FMN2: variants seen among roughly 807,000 people sequenced by gnomAD.
FMN2 encodes the protein formin-2.
A neutral mutation model predicts 142.3 loss-of-function variants in FMN2; 51 were observed. The ratio of observed to expected loss-of-function variants is 0.36; its 90% CI spans 0.29 to 0.45. The LOEUF (loss-of-function observed/expected upper bound fraction) is 0.45. FMN2 is among the 20% of genes least tolerant of loss of function. The pLI is 1.00. For missense variants in FMN2, 1,936 were observed against 2,122.8 expected, an observed-to-expected ratio of 0.91 and a Z score of 1.73; for synonymous variants, 882 against 869.8, an observed-to-expected ratio of 1.01 and a Z score of -0.25.
intron 15 of FMN2, among the ~76,000 whole-genome samples, chr1:240,399,133 G>GA (rs1673887271): frequency 3.9e-5 from 6 of 152,098 alleles, no homozygotes; most frequent in Admixed American, 3.9e-4. Context: ...TTATCTGTGA[G>GA]AAAAAGAAAA....
intron 4 of FMN2, among the ~76,000 whole-genome samples, chr1:240,202,355 T>C (rs1349993560): frequency 2.0e-5 from 3 of 152,146 alleles, no homozygotes; most frequent in East Asian, 1.9e-4. Context: ...CAGTCACTAG[T>C]ATTATGACCT....
intron 15 of FMN2, among the ~76,000 whole-genome samples, chr1:240,414,657 C>G (rs1357055012): frequency 6.6e-6 from 1 of 151,976 alleles, no homozygotes; most frequent in Non-Finnish European, 1.5e-5. Context: ...TGTTAAAATA[C>G]TTTGTAAACT....
intron 15 of FMN2, among the ~76,000 whole-genome samples, chr1:240,416,150 C>G (rs1233013662): frequency 6.6e-6 from 1 of 152,172 alleles, no homozygotes; most frequent in Non-Finnish European, 1.5e-5. Flanking sequence ...CTTCTCTCTC[C>G]TGATTTCAAC....
At chr1:240,242,073 C>T (rs1667929200) in intron 6 of FMN2, among the ~76,000 whole-genome samples, 1 of 152,018 alleles carries the variant, frequency 6.6e-6, no homozygotes, top group Non-Finnish European at 1.5e-5. Context: ...TCTCGATCTC[C>T]TGACCTCGTG....
At chr1:240,178,302 G>C (rs1158168863) in intron 3 of FMN2, among the ~76,000 whole-genome samples, 2 of 152,078 alleles carry the variant, frequency 1.3e-5, no homozygotes, top group Non-Finnish European at 2.9e-5. Context: ...ATTTGGAGGA[G>C]TTCAGCAGGA....
intron 2 of FMN2, among the ~76,000 whole-genome samples, chr1:240,135,839 A>G (rs1239048560): frequency 2.0e-5 from 3 of 151,674 alleles, no homozygotes; most frequent in African/African-American, 4.8e-5. Flanking sequence ...GCCACCATGC[A>G]CAGCTAATTT....
At chr1:240,363,577 G>A (rs112718160) in intron 14 of FMN2, among the ~76,000 whole-genome samples, 21 of 152,236 alleles carry the variant, frequency 1.4e-4, no homozygotes, top group East Asian at 3.9e-4. Flanking sequence ...TCTCGTGTGC[G>A]TGCGTGTGCA....
intron 15 of FMN2, among the ~76,000 whole-genome samples, chr1:240,398,182 T>G (rs896257480): frequency 6.6e-6 from 1 of 152,062 alleles, no homozygotes; most frequent in Non-Finnish European, 1.5e-5. Context: ...TCTTGTATTT[T>G]TAGTATAGAT....
At chr1:240,304,007 T>C (rs1042965565) in intron 8 of FMN2, among the ~76,000 whole-genome samples, 41 of 152,168 alleles carry the variant, frequency 2.7e-4, no homozygotes, top group African/African-American at 9.9e-4. Flanking sequence ...GTTATTGTAT[T>C]TTTCACCTTC....
At chr1:240,381,326 T>A (rs1466484887) in intron 14 of FMN2, among the ~76,000 whole-genome samples, 1 of 152,188 alleles carries the variant, frequency 6.6e-6, no homozygotes, top group Non-Finnish European at 1.5e-5. Flanking sequence ...ATATTATACA[T>A]CACCATCAAG....
chr1:240,420,386 G>C (rs970304429), intron 15 of FMN2, among the ~76,000 whole-genome samples: 1 of 152,180 alleles, frequency 6.6e-6, no homozygotes, highest in African/African-American at 2.4e-5. Context: ...TATAAGAGAA[G>C]AGCCTCTTCC....
intron 16 of FMN2, among the ~76,000 whole-genome samples, chr1:240,454,126 A>G (rs973309287): frequency 2.0e-5 from 3 of 152,178 alleles, no homozygotes; most frequent in Non-Finnish European, 4.4e-5. Flanking sequence ...TTAATATTTT[A>G]AAATATTCTT....
intron 16 of FMN2, among the ~76,000 whole-genome samples, chr1:240,449,077 C>T (rs1046249366): frequency 3.3e-5 from 5 of 151,048 alleles, no homozygotes; most frequent in Admixed American, 6.6e-5. Context: ...GGGCTGTTGA[C>T]GCTGCAGCAA....
chr1:240,184,392 A>G (rs1665296998), intron 3 of FMN2, among the ~76,000 whole-genome samples: 1 of 151,498 alleles, frequency 6.6e-6, no homozygotes, highest in Non-Finnish European at 1.5e-5. Context: ...GCCCACCACC[A>G]GGCCGGCTCA....
intron 2 of FMN2, among the ~76,000 whole-genome samples, chr1:240,141,629 C>T (rs1023732785): frequency 3.9e-5 from 6 of 152,160 alleles, no homozygotes; most frequent in East Asian, 1.9e-4. Flanking sequence ...CTTGACCTCC[C>T]GAAGTGCTGG....
chr1:240,346,528 TGTA>T (rs2103034887), intron 13 of FMN2, among the ~76,000 whole-genome samples: 1 of 152,280 alleles, frequency 6.6e-6, no homozygotes, highest in South Asian at 2.1e-4. Context: ...AGTTAAAGGT[TGTA>T]GTTACCTCTG....
intron 2 of FMN2, among the ~76,000 whole-genome samples, chr1:240,145,630 C>T (rs1370263379): frequency 2.2e-5 from 3 of 139,236 alleles, no homozygotes; most frequent in African/African-American, 8.1e-5. Flanking sequence ...CAGCTTCAGA[C>T]TGTCGAGTAG....
intron 14 of FMN2, among the ~76,000 whole-genome samples, chr1:240,366,550 T>TA (rs59565791): frequency 1.3e-5 from 2 of 151,292 alleles, no homozygotes; most frequent in South Asian, 2.1e-4. Flanking sequence ...TTTTTTTTTT[T>TA]AAATTTGAGA....
At chr1:240,102,073 G>T (rs1661435646) in intron 1 of FMN2, among the ~76,000 whole-genome samples, 1 of 151,950 alleles carries the variant, frequency 6.6e-6, no homozygotes, top group Non-Finnish European at 1.5e-5. Flanking sequence ...TAATATATTG[G>T]TTTTTGTTAT....
Sources: gnomAD v4.1 joint callset for allele counts (sites outside exome capture counted in the v4.1 genomes callset) on GRCh38, gnomAD v4.1.1 for gene constraint, MANE v1.5 for transcripts, NCBI Gene and HGNC (gene_info 2026-07-23, HGNC 2026-07-21) for gene names.